Variants in ATXN7L1 observed in about 807,000 individuals in gnomAD.
ATXN7L1 encodes the protein ataxin 7 like 1.
ATXN7L1 carries 15 observed loss-of-function variants against 70.8 expected under a neutral mutation model. The ratio of observed to expected loss-of-function variants is 0.21; its 90% CI spans 0.14 to 0.33. The LOEUF is 0.33. ATXN7L1 is among the 10% of genes least tolerant of loss of function. ATXN7L1 has a pLI of 1.00. For missense variants in ATXN7L1, 975 were observed against 1,097.1 expected (o/e 0.89, Z 1.57); for synonymous variants, 440 against 445.1 (o/e 0.99, Z 0.14).
chr7:105,758,898 G>A (rs1012694000), intron 3 of ATXN7L1, among the ~76,000 whole-genome samples: 4 of 152,272 alleles, frequency 2.6e-5, no homozygotes, highest in Middle Eastern at 3.4e-3. Context: ...TGGGAGGTAC[G>A]GGGAAGAGAA....
intron 3 of ATXN7L1, among the ~76,000 whole-genome samples, chr7:105,715,116 TA>T (rs1794384630): frequency 1.3e-5 from 2 of 152,306 alleles, no homozygotes; most frequent in South Asian, 4.1e-4. Flanking sequence ...AGTAAGACCA[TA>T]AGTGTAACTT....
chr7:105,794,048 C>T lies in ATXN7L1; in HGVS notation c.251-5340G>A, dbSNP rs144881448. ...CCATCATTGAAACATGTGGTGTACA[C>T]GCTGATATTTTCTGTTGTTCTATTC... On this transcript the variant is annotated intron_variant, in intron 2 of 11. Transcript: ENST00000419735. 9.0e-5 allele frequency among the ~76,000 whole-genome samples: 13 copies of T among 144,600 alleles called. No individual in the cohort carries two copies. The South Asian group carries it at 9.3e-4, about 10-fold the overall frequency. The allele number at this position is 144,600 out of a possible 152,430, so 94.9% of individuals were successfully genotyped here.
At chr7:105,704,656 C>T (rs1462115808) in intron 3 of ATXN7L1, among the ~76,000 whole-genome samples, 2 of 132,128 alleles carry the variant, frequency 1.5e-5, no homozygotes, top group South Asian at 2.5e-4. Context: ...TGCAGTGGTA[C>T]GATCTGAGCT....
chr7:105,816,921 G>C (rs1809280912), intron 2 of ATXN7L1, among the ~76,000 whole-genome samples: 1 of 152,224 alleles, frequency 6.6e-6, no homozygotes, highest in Non-Finnish European at 1.5e-5. Context: ...CAGCAGGTGG[G>C]GTTCATGGTG....
intron 2 of ATXN7L1, among the ~76,000 whole-genome samples, chr7:105,870,281 CA>C (rs11324410): frequency 0.93 from 116,098 of 125,484 alleles, 53,486 homozygotes; most frequent in East Asian, 0.95. Flanking sequence ...GACTCCATTT[CA>C]AAAAAAAAAA....
intron 2 of ATXN7L1, among the ~76,000 whole-genome samples, chr7:105,799,921 C>A (rs1432772069): frequency 6.6e-6 from 1 of 152,326 alleles, no homozygotes; most frequent in East Asian, 1.9e-4. Context: ...TGGCTACCGA[C>A]TGCACCAATG....
At chr7:105,716,664 T>TGCAC (rs1794580278) in intron 3 of ATXN7L1, among the ~76,000 whole-genome samples, 1 of 98,838 alleles carries the variant, frequency 1.0e-5, no homozygotes, top group East Asian at 3.5e-4. Context: ...AACCTATCTC[T>TGCAC]GCACACACAC....
chr7:105,657,767 A>G (rs1800914792), intron 4 of ATXN7L1, among the ~76,000 whole-genome samples: 1 of 150,590 alleles, frequency 6.6e-6, no homozygotes, highest in Non-Finnish European at 1.5e-5. Flanking sequence ...GCTGTGGCTG[A>G]ACGGGATTTT....
chr7:105,823,247 T>C (rs1810409714), intron 2 of ATXN7L1, among the ~76,000 whole-genome samples: 1 of 152,232 alleles, frequency 6.6e-6, no homozygotes, highest in Non-Finnish European at 1.5e-5. Flanking sequence ...AAGGCTGACA[T>C]GAATCATCTT....
chr7:105,757,110 G>A (rs191305726), intron 3 of ATXN7L1, among the ~76,000 whole-genome samples: 165 of 152,190 alleles, frequency 1.1e-3, no homozygotes, highest in South Asian at 1.9e-3. Context: ...GACATAGAGG[G>A]GAATAAAAGA....
At chr7:105,728,926 A>G (rs1796210620) in intron 3 of ATXN7L1, among the ~76,000 whole-genome samples, 2 of 152,224 alleles carry the variant, frequency 1.3e-5, no homozygotes, top group African/African-American at 4.8e-5. Context: ...CCCAAAGTAC[A>G]AAATAAAGAT....
At chr7:105,746,921 G>A (rs1414826585) in intron 3 of ATXN7L1, among the ~76,000 whole-genome samples, 3 of 152,186 alleles carry the variant, frequency 2.0e-5, no homozygotes, top group African/African-American at 2.4e-5. Context: ...AGGAGTAGGA[G>A]GGAGACTTTT....
At chr7:105,633,319 A>C (rs2115866394) in intron 7 of ATXN7L1, among the ~76,000 whole-genome samples, 1 of 152,366 alleles carries the variant, frequency 6.6e-6, no homozygotes, top group South Asian at 2.1e-4. Context: ...AGGCGCTTGA[A>C]CACAGAAAGA....
At chr7:105,746,406 C>T (rs1798593105) in intron 3 of ATXN7L1, among the ~76,000 whole-genome samples, 1 of 152,224 alleles carries the variant, frequency 6.6e-6, no homozygotes, top group Non-Finnish European at 1.5e-5. Context: ...ATTCTTCACT[C>T]CTTGACACTT....
At chr7:105,823,258 T>C (rs1008002504) in intron 2 of ATXN7L1, among the ~76,000 whole-genome samples, 2 of 152,198 alleles carry the variant, frequency 1.3e-5, no homozygotes, top group African/African-American at 4.8e-5. Context: ...GAATCATCTT[T>C]TGTTGTAAAA....
At chr7:105,778,625 G>C (rs1207157400) in intron 3 of ATXN7L1, among the ~76,000 whole-genome samples, 1 of 150,842 alleles carries the variant, frequency 6.6e-6, no homozygotes, top group South Asian at 2.1e-4. Context: ...GTGCTTATTT[G>C]CAACATTTCT....
intron 11 of ATXN7L1, among the ~76,000 whole-genome samples, chr7:105,609,890 G>A (rs1433188915): frequency 7.1e-6 from 1 of 141,474 alleles, no homozygotes; most frequent in Non-Finnish European, 1.6e-5. Context: ...TCCTGCCTCA[G>A]CCTCCCGAGT....
intron 2 of ATXN7L1, among the ~76,000 whole-genome samples, chr7:105,795,975 C>T (rs1455278058): frequency 1.3e-5 from 2 of 152,138 alleles, no homozygotes; most frequent in East Asian, 3.8e-4. Flanking sequence ...TTAACTTACT[C>T]TAAAAGGTAC....
intron 2 of ATXN7L1, among the ~76,000 whole-genome samples, chr7:105,865,253 A>G (rs535686535): frequency 5.9e-5 from 9 of 152,344 alleles, no homozygotes; most frequent in African/African-American, 2.2e-4. Flanking sequence ...CCTACTCTGG[A>G]AAAGAAAAGT....
Sources: gnomAD v4.1 joint callset for allele counts (sites outside exome capture counted in the v4.1 genomes callset) on GRCh38, gnomAD v4.1.1 for gene constraint, MANE v1.5 for transcripts, NCBI Gene and HGNC (gene_info 2026-07-23, HGNC 2026-07-21) for gene names.